Variants in DLG2 observed in about 807,000 individuals in gnomAD.
DLG2 encodes discs large MAGUK scaffold protein 2.
In DLG2, 45 loss-of-function variants were observed where a neutral mutation model predicts 132.5. The ratio of observed to expected loss-of-function variants is 0.34; its 90% CI spans 0.27 to 0.44. The LOEUF (loss-of-function observed/expected upper bound fraction) is 0.44. DLG2 is among the 20% of genes least tolerant of loss of function. The pLI is 1.00. For missense variants in DLG2, 1,045 were observed against 1,196.9 expected, an observed-to-expected ratio of 0.87 and a Z score of 1.87; for synonymous variants, 424 against 419.6, an observed-to-expected ratio of 1.01 and a Z score of -0.13.
chr11:84,095,578 G>A (rs1164333726), intron 10 of DLG2, among the ~76,000 whole-genome samples: 1 of 152,158 alleles, frequency 6.6e-6, no homozygotes, highest in Non-Finnish European at 1.5e-5. Flanking sequence ...TAGTTGAGGC[G>A]ATGGTGTTAC....
chr11:85,137,653 G>A (rs546800000), intron 5 of DLG2, among the ~76,000 whole-genome samples: 1 of 152,150 alleles, frequency 6.6e-6, no homozygotes, highest in East Asian at 1.9e-4. Flanking sequence ...AGCTTATAAG[G>A]GCCTTGGGAA....
chr11:84,093,298 G>A (rs2097122994), intron 10 of DLG2, among the ~76,000 whole-genome samples: 1 of 152,120 alleles, frequency 6.6e-6, no homozygotes, highest in Admixed American at 6.5e-5. Flanking sequence ...TGGGACTGAG[G>A]TCCCTGCTTC....
intron 18 of DLG2, among the ~76,000 whole-genome samples, chr11:83,719,827 C>T (rs1406819253): frequency 6.6e-6 from 1 of 152,088 alleles, no homozygotes; most frequent in Non-Finnish European, 1.5e-5. Flanking sequence ...GAATATAATA[C>T]AGGTTCTTAA....
chr11:84,355,746 AC>A (rs2098607613), intron 7 of DLG2, among the ~76,000 whole-genome samples: 2 of 152,136 alleles, frequency 1.3e-5, no homozygotes, highest in Admixed American at 1.3e-4. Context: ...TCTCAAAGCC[AC>A]TAAAGATTTG....
At chr11:85,009,127 G>T (rs971590513) in intron 6 of DLG2, among the ~76,000 whole-genome samples, 2 of 152,030 alleles carry the variant, frequency 1.3e-5, no homozygotes, top group Admixed American at 6.5e-5. Flanking sequence ...TCAAGATTGT[G>T]TTGGGTTTTG....
chr11:84,273,433 A>C, intron 7 of DLG2: 1 of 730,656 alleles, frequency 1.4e-6, no homozygotes, highest in Non-Finnish European at 1.7e-6. Flanking sequence ...TTGGGGGATA[A>C]CTGGGCATGA....
chr11:85,206,336 C>A (rs972246042), intron 4 of DLG2, among the ~76,000 whole-genome samples: 1 of 152,092 alleles, frequency 6.6e-6, no homozygotes, highest in Non-Finnish European at 1.5e-5. Flanking sequence ...AATGCAAGAA[C>A]AGACTAATAC....
At chr11:83,786,503 T>C (rs1194440069) in intron 18 of DLG2, 187 bp downstream of exon 18, 2 of 548,290 alleles carry the variant, frequency 3.6e-6, no homozygotes, top group Non-Finnish European at 6.5e-6. Flanking sequence ...CTTGATATTT[T>C]CCTGGAAGAT....
chr11:84,402,239 T>C (rs560653507), intron 7 of DLG2, among the ~76,000 whole-genome samples: 1 of 152,262 alleles, frequency 6.6e-6, no homozygotes, highest in South Asian at 2.1e-4. Flanking sequence ...GCCTAACCAG[T>C]AGGCTAGTAT....
chr11:85,098,569 C>T (rs2070309613), intron 6 of DLG2, among the ~76,000 whole-genome samples: 1 of 151,942 alleles, frequency 6.6e-6, no homozygotes, highest in African/African-American at 2.4e-5. Context: ...ATGTAAATGC[C>T]AATACAACTT....
At chr11:84,942,035 G>A (rs1244654951) in intron 6 of DLG2, among the ~76,000 whole-genome samples, 1 of 152,024 alleles carries the variant, frequency 6.6e-6, no homozygotes, top group Non-Finnish European at 1.5e-5. Context: ...CAATGTACTT[G>A]CATATAGATG....
intron 6 of DLG2, among the ~76,000 whole-genome samples, chr11:84,925,100 T>C (rs1256009471): frequency 6.6e-6 from 1 of 152,210 alleles, no homozygotes; most frequent in Non-Finnish European, 1.5e-5. Flanking sequence ...ACCTACTTTA[T>C]TCAACCTGTG....
intron 6 of DLG2, among the ~76,000 whole-genome samples, chr11:85,005,624 T>C (rs1331807820): frequency 6.6e-6 from 1 of 152,230 alleles, no homozygotes; most frequent in Non-Finnish European, 1.5e-5. Flanking sequence ...AAAGAGATTT[T>C]AGACTGAGGT....
intron 21 of DLG2, among the ~76,000 whole-genome samples, chr11:83,516,771 C>A (rs1442791766): frequency 2.6e-5 from 4 of 152,130 alleles, no homozygotes; most frequent in Admixed American, 6.5e-5. Flanking sequence ...TTTTATTTCT[C>A]CTTCACTTAT....
At chr11:85,588,280 T>C (rs987981531) in intron 3 of DLG2, among the ~76,000 whole-genome samples, 21 of 152,234 alleles carry the variant, frequency 1.4e-4, no homozygotes, top group African/African-American at 1.7e-4. Context: ...TCCTCAATTA[T>C]GTTTCCCAAA....
chr11:84,858,093 A>G (rs1024330030), intron 6 of DLG2, among the ~76,000 whole-genome samples: 3 of 152,052 alleles, frequency 2.0e-5, no homozygotes, highest in African/African-American at 4.8e-5. Flanking sequence ...AGGTTTCTCC[A>G]TGCTGCCCAG....
intron 8 of DLG2, among the ~76,000 whole-genome samples, chr11:84,225,493 C>T (rs922808377): frequency 6.6e-6 from 1 of 152,126 alleles, no homozygotes; most frequent in African/African-American, 2.4e-5. Flanking sequence ...ATGACCTGCT[C>T]GATGGTGCTC....
At chr11:84,502,361 T>C (rs1365849489) in intron 7 of DLG2, among the ~76,000 whole-genome samples, 4 of 75,304 alleles carry the variant, frequency 5.3e-5, no homozygotes, top group Admixed American at 1.5e-4. Flanking sequence ...TTTCTTTCTT[T>C]CTTTCTTTCT....
intron 6 of DLG2, among the ~76,000 whole-genome samples, chr11:84,683,312 C>T (rs1478034501): frequency 6.6e-6 from 1 of 152,194 alleles, no homozygotes; most frequent in Non-Finnish European, 1.5e-5. Context: ...TCCAGACTTA[C>T]TCTCCTATGC....
Sources: allele counts gnomAD v4.1 joint callset (sites outside exome capture counted in the v4.1 genomes callset), GRCh38; gene constraint gnomAD v4.1.1; transcripts MANE v1.5; gene names NCBI Gene and HGNC (gene_info 2026-07-23, HGNC 2026-07-21).